Variants in QRFPR observed in about 807,000 individuals in gnomAD.
QRFPR encodes pyroglutamylated RF-amide peptide receptor.
A neutral mutation model predicts 31.3 loss-of-function variants in QRFPR; 37 were observed. The ratio of observed to expected loss-of-function variants is 1.18; its 90% CI spans 0.91 to 1.56. QRFPR has a LOEUF of 1.56. Among genes scored for constraint, QRFPR ranks in the 40% most tolerant of loss-of-function variants. The probability of loss-of-function intolerance (pLI) is 0.00; values close to 1 mark genes in which losing one functional copy is unlikely to be tolerated. For synonymous variants in QRFPR, 197 were observed against 192.0 expected, an observed-to-expected ratio of 1.03 and a Z score of -0.22; for missense variants, 542 against 532.5, an observed-to-expected ratio of 1.02 and a Z score of -0.18.
chr4:121,339,519 T>C (rs768876472), intron 2 of QRFPR, among the ~76,000 whole-genome samples: 4 of 152,148 alleles, frequency 2.6e-5, no homozygotes, highest in Non-Finnish European at 5.9e-5. Flanking sequence ...TTGCCAGGCA[T>C]CCCCAGCACT....
At chr4:121,344,209 G>C (rs890501740) in intron 1 of QRFPR, among the ~76,000 whole-genome samples, 8 of 152,198 alleles carry the variant, frequency 5.3e-5, no homozygotes, top group Non-Finnish European at 1.0e-4. Flanking sequence ...AGTTCAAAGA[G>C]GTTAAATGAT....
chr4:121,329,052 C>A lies in QRFPR; in HGVS notation c.*262G>T. 1 of 312,286 alleles carries A rather than the reference C, an allele frequency of 3.2e-6. No individual in the cohort carries two copies. The highest frequency in any genetic ancestry group is 5.8e-6 in the Non-Finnish European group (1 of 172,320). The allele number at this position is 312,286 out of a possible 1,614,324, so 19.3% of individuals were successfully genotyped here. ...TACAGGCATGAGCCACCGTGCCTGG[C>A]CTTCCATGTTGCTTTTTTAAGGCTA... On this transcript the variant is annotated 3_prime_UTR_variant, in exon 6 of 6. Transcript: ENST00000394427.
Position 121,380,779 on chromosome 4 carries a change from G to A in QRFPR, c.-132C>T, listed in dbSNP as rs1484774365. On this transcript the variant is annotated 5_prime_UTR_variant, in exon 1 of 6. Transcript: ENST00000394427. Reference sequence around the variant, plus strand: ...CTCTACTCTGGAGTCAGCCGCGCGGGAGGGCTCTAGGCTGCACCCCGGGAG... The same window carrying A: ...CTCTACTCTGGAGTCAGCCGCGCGGAAGGGCTCTAGGCTGCACCCCGGGAG... 2 of 799,610 alleles carry A rather than the reference G, an allele frequency of 2.5e-6. No individual in the cohort carries two copies. The highest frequency in any genetic ancestry group is 2.9e-5 in the Admixed American group (1 of 34,006). 49.5% of individuals were successfully genotyped at this position (799,610 alleles called of 1,614,324 possible). A position where few individuals can be genotyped will look rare whatever the true frequency, so the allele number is the denominator to read the frequency against.
At chr4:121,379,148 T>C (rs1218494329) in intron 1 of QRFPR, among the ~76,000 whole-genome samples, 1 of 152,224 alleles carries the variant, frequency 6.6e-6, no homozygotes, top group Non-Finnish European at 1.5e-5. Flanking sequence ...AAGTCAATGC[T>C]CTGTACTCAA....
chr4:121,347,796 C>T (rs540897543), intron 1 of QRFPR, among the ~76,000 whole-genome samples: 1 of 152,130 alleles, frequency 6.6e-6, no homozygotes, highest in East Asian at 1.9e-4. Context: ...CTTCCCTTGG[C>T]CTACTTTTTA....
intron 1 of QRFPR, among the ~76,000 whole-genome samples, chr4:121,344,486 T>C (rs1725607344): frequency 6.6e-6 from 1 of 152,214 alleles, no homozygotes; most frequent in South Asian, 2.1e-4. Flanking sequence ...ACCAGCTCTC[T>C]AAGAAATTAC....
intron 1 of QRFPR, 77 bp downstream of exon 1, chr4:121,380,230 AG>A: frequency 2.0e-6 from 2 of 994,882 alleles, no homozygotes; most frequent in East Asian, 4.9e-5. Flanking sequence ...AGAGAGAGAG[AG>A]AGAGAGAGAG....
chr4:121,350,060 A>T (rs777715363), intron 1 of QRFPR, among the ~76,000 whole-genome samples: 1 of 152,220 alleles, frequency 6.6e-6, no homozygotes, highest in South Asian at 2.1e-4. Context: ...GTCAAGGCCT[A>T]TGGAAAGTGA....
At chr4:121,330,238 A>G (rs565020986) in intron 5 of QRFPR, among the ~76,000 whole-genome samples, 188 bp downstream of exon 5, 41 of 152,348 alleles carry the variant, frequency 2.7e-4, no homozygotes, top group Non-Finnish European at 5.6e-4. Context: ...ATTATTAAAG[A>G]TTTAGTCATA....
At position 121,351,925 on chromosome 4, in the gene QRFPR, G is replaced by T. The variant is rs191547644; in HGVS notation, c.341-11315C>A. Among the ~76,000 whole-genome samples, 184 of 149,454 alleles carry T rather than the reference G, an allele frequency of 1.2e-3. 1 individual carries two copies. The highest frequency in any genetic ancestry group is 4.3e-3 in the African/African-American group (175 of 40,886). ...TTCAATCATTAATAATATTTCAAAA[G>T]ATATTTAACAATGCAACCAAAAAAT... is the stretch of plus-strand genomic sequence containing the variant. On this transcript the variant is annotated intron_variant, in intron 1 of 5. Coordinates refer to ENST00000394427, the MANE Select transcript of QRFPR (RefSeq NM_198179.3).
chr4:121,338,641 T>A (rs1368008038), intron 2 of QRFPR, among the ~76,000 whole-genome samples: 1 of 152,278 alleles, frequency 6.6e-6, no homozygotes, highest in South Asian at 2.1e-4. Flanking sequence ...GTCTAGGCAA[T>A]CTCAGCTGGA....
intron 1 of QRFPR, among the ~76,000 whole-genome samples, chr4:121,341,154 A>C (rs1477896591): frequency 6.6e-6 from 1 of 152,256 alleles, no homozygotes; most frequent in African/African-American, 2.4e-5. Flanking sequence ...AGTGGTGGCC[A>C]CTAGGCAAGT....
Position 121,329,348 on chromosome 4 carries a change from A to T in QRFPR, c.1262T>A (p.Leu421Gln). The change falls in exon 6 of 6, where the codon CTG becomes CAG. Residue 421 changes from leucine (L) to glutamine (Q), a missense_variant. Transcript: ENST00000394427. ...ACTGTCTAAAGGAGAATTCTCAGCC[A>T]GTTCAGACCTAAAGAGAGCAAGATG... ...KRHLALFRSE[L>Q]AENSPLDSGH The T allele has an allele frequency of 6.2e-7, 1 of 1,613,624 alleles. No homozygotes were observed. The highest frequency in any genetic ancestry group is 1.3e-5 in the African/African-American group (1 of 75,038).
intron 2 of QRFPR, among the ~76,000 whole-genome samples, chr4:121,339,678 G>A (rs761881674): frequency 3.3e-5 from 5 of 151,948 alleles, no homozygotes; most frequent in Non-Finnish European, 7.4e-5. Flanking sequence ...GGCTCACACC[G>A]GTAATCCTAG....
chr4:121,340,266 G>A (rs1725516258), intron 2 of QRFPR, 186 bp downstream of exon 2: 2 of 612,466 alleles, frequency 3.3e-6, no homozygotes, highest in African/African-American at 3.7e-5. Context: ...TTTCAGTTTT[G>A]AGGTCAGCCT....
intron 1 of QRFPR, among the ~76,000 whole-genome samples, chr4:121,377,388 T>C (rs375386536): frequency 3.4e-5 from 5 of 148,996 alleles, no homozygotes; most frequent in African/African-American, 5.0e-5. Context: ...ATATTTTAGG[T>C]TTTTACATAA....
intron 1 of QRFPR, among the ~76,000 whole-genome samples, chr4:121,345,842 A>C (rs1725635159): frequency 6.6e-6 from 1 of 152,212 alleles, no homozygotes; most frequent in African/African-American, 2.4e-5. Context: ...ACAAGACTAC[A>C]TTATTTCTAA....
chr4:121,357,216 A>G (rs1349759134), intron 1 of QRFPR, among the ~76,000 whole-genome samples: 1 of 151,996 alleles, frequency 6.6e-6, no homozygotes, highest in Non-Finnish European at 1.5e-5. Flanking sequence ...TGCCTTTTCT[A>G]GTTTCTAGAG....
At chr4:121,369,770 G>A (rs879646965) in intron 1 of QRFPR, 164 of 1,594,446 alleles carry the variant, frequency 1.0e-4, no homozygotes, top group Non-Finnish European at 1.3e-4. Context: ...AGAACCAGAA[G>A]TGAACCAGCC....
Sources: gnomAD v4.1 joint callset for allele counts (sites outside exome capture counted in the v4.1 genomes callset) on GRCh38, gnomAD v4.1.1 for gene constraint, MANE v1.5 for transcripts, NCBI Gene and HGNC (gene_info 2026-07-23, HGNC 2026-07-21) for gene names.